The following BBX variants were observed in gnomAD, a reference collection of about 807,000 sequenced individuals.
BBX encodes BBX high mobility group box domain containing, also known as HMG box transcription factor BBX.
Under a neutral mutation model 100.2 loss-of-function variants are expected in BBX, and 30 were observed. The observed-to-expected ratio is 0.30, with a 90% CI of 0.22 to 0.41. The LOEUF (loss-of-function observed/expected upper bound fraction) is 0.41, where lower values mean the gene tolerates loss of function less well. BBX is among the 10% of genes least tolerant of loss of function. The pLI is 1.00. For missense variants in BBX, 1,023 were observed against 1,129.8 expected, an observed-to-expected ratio of 0.91 and a Z score of 1.35; for synonymous variants, 376 against 388.1, an observed-to-expected ratio of 0.97 and a Z score of 0.37.
chr3:107,765,824 C>T (rs1478996723), intron 10 of BBX, among the ~76,000 whole-genome samples: 1 of 152,106 alleles, frequency 6.6e-6, no homozygotes, highest in East Asian at 1.9e-4. Flanking sequence ...AAGAGTGATG[C>T]GTCTTATAAA....
At chr3:107,702,155 A>G (rs1448706178) in intron 3 of BBX, among the ~76,000 whole-genome samples, 1 of 152,240 alleles carries the variant, frequency 6.6e-6, no homozygotes, top group Non-Finnish European at 1.5e-5. Flanking sequence ...GAGAAGAAAA[A>G]TGGTTGGAGA....
chr3:107,674,491 A>G (rs764073076), intron 3 of BBX, among the ~76,000 whole-genome samples: 5 of 152,190 alleles, frequency 3.3e-5, no homozygotes, highest in Non-Finnish European at 7.3e-5. Context: ...GACTCTGGAC[A>G]TTTAGCTGGA....
chr3:107,588,621 G>A (rs1265035779), intron 2 of BBX, among the ~76,000 whole-genome samples: 1 of 152,142 alleles, frequency 6.6e-6, no homozygotes, highest in Non-Finnish European at 1.5e-5. Flanking sequence ...TAACTCCTGT[G>A]TGCCTGAATT....
intron 2 of BBX, among the ~76,000 whole-genome samples, chr3:107,635,234 TTA>T (rs1291391258): frequency 6.6e-6 from 1 of 152,222 alleles, no homozygotes; most frequent in Admixed American, 6.5e-5. Flanking sequence ...CAGAAATTGA[TTA>T]TGTTTTTCTG....
chr3:107,759,792 C>G (rs1412978287), intron 10 of BBX, among the ~76,000 whole-genome samples: 1 of 152,114 alleles, frequency 6.6e-6, no homozygotes, highest in Non-Finnish European at 1.5e-5. Flanking sequence ...AACATGTTAC[C>G]TCCAAGTACA....
intron 3 of BBX, among the ~76,000 whole-genome samples, chr3:107,698,469 G>A (rs2060817087): frequency 6.6e-6 from 1 of 151,458 alleles, no homozygotes; most frequent in Admixed American, 6.6e-5. Context: ...TGGCCAATAT[G>A]GTGAAACCCC....
At chr3:107,602,695 A>G (rs1045078584) in intron 2 of BBX, among the ~76,000 whole-genome samples, 1 of 152,240 alleles carries the variant, frequency 6.6e-6, no homozygotes, top group Non-Finnish European at 1.5e-5. Flanking sequence ...AGTGGTAGAA[A>G]TAGCAGGAAA....
In BBX at chr3:107,571,421, T is replaced by C. The variant is rs145174352; in HGVS notation, c.-84+45023T>C. ...TGAGTCCGTGACTGGCGCCGGAGTT[T>C]TGGGTTTCCGGATAAAATGTGTCTC... is the stretch of plus-strand genomic sequence containing the variant. On this transcript the variant is annotated intron_variant, in intron 2 of 17. Transcript: ENST00000325805. Among the ~76,000 whole-genome samples the C allele has an allele frequency of 2.4e-3, 370 of 152,156 alleles. 2 individuals carry two copies. The highest frequency in any genetic ancestry group is 7.3e-3 in the African/African-American group (304 of 41,504).
chr3:107,620,553 G>C (rs182414940), intron 2 of BBX, among the ~76,000 whole-genome samples: 2 of 152,340 alleles, frequency 1.3e-5, no homozygotes, highest in East Asian at 3.9e-4. Context: ...GCAGCATGAA[G>C]AGGATGGCGC....
chr3:107,680,796 T>G (rs947957083), intron 3 of BBX, among the ~76,000 whole-genome samples: 6 of 152,210 alleles, frequency 3.9e-5, no homozygotes, highest in African/African-American at 1.4e-4. Flanking sequence ...AGATTTACAA[T>G]TCCATGTAAC....
intron 2 of BBX, among the ~76,000 whole-genome samples, chr3:107,596,917 G>A (rs1394682469): frequency 6.6e-6 from 1 of 152,134 alleles, no homozygotes; most frequent in African/African-American, 2.4e-5. Context: ...ACTCTGTAAT[G>A]GCACTTGAAA....
intron 2 of BBX, 69 bp downstream of exon 2, chr3:107,526,467 TTCA>T (rs2047786606): frequency 5.0e-6 from 2 of 397,806 alleles, no homozygotes; most frequent in Non-Finnish European, 8.9e-6. Context: ...GTCTTTATTG[TTCA>T]CAGAGGAAGA....
chr3:107,548,883 G>GT (rs1408305969), intron 2 of BBX, among the ~76,000 whole-genome samples: 1 of 152,150 alleles, frequency 6.6e-6, no homozygotes, highest in Non-Finnish European at 1.5e-5. Flanking sequence ...GCAAATTAAC[G>GT]TAAGAACAGA....
chr3:107,708,303 T>C (rs1191887603), intron 3 of BBX, among the ~76,000 whole-genome samples: 5 of 152,220 alleles, frequency 3.3e-5, no homozygotes, highest in Non-Finnish European at 5.9e-5. Context: ...TATTCCAGCA[T>C]GAGCTTCTTG....
chr3:107,619,671 T>C (rs1045235557), intron 2 of BBX, among the ~76,000 whole-genome samples: 3 of 151,930 alleles, frequency 2.0e-5, no homozygotes, highest in Non-Finnish European at 4.4e-5. Flanking sequence ...CATTGGAGAG[T>C]GTCTTTATTC....
intron 4 of BBX, among the ~76,000 whole-genome samples, chr3:107,712,634 C>T (rs568948256): frequency 6.6e-6 from 1 of 152,330 alleles, no homozygotes; most frequent in South Asian, 2.1e-4. Flanking sequence ...ATCCAAGCCA[C>T]CACCATTTCT....
intron 2 of BBX, among the ~76,000 whole-genome samples, chr3:107,608,165 T>C (rs557220624): frequency 6.6e-6 from 1 of 152,280 alleles, no homozygotes; most frequent in East Asian, 1.9e-4. Flanking sequence ...GTTTCTCCAA[T>C]TTTTTTCTTT....
chr3:107,715,093 A>G (rs1256632821), intron 4 of BBX, among the ~76,000 whole-genome samples: 2 of 152,096 alleles, frequency 1.3e-5, no homozygotes, highest in Non-Finnish European at 2.9e-5. Context: ...AAGACTTTTT[A>G]AAAATACCAG....
chr3:107,729,936 A>T (rs1340867402), intron 6 of BBX, among the ~76,000 whole-genome samples: 4 of 152,136 alleles, frequency 2.6e-5, no homozygotes, highest in Admixed American at 6.5e-5. Context: ...ATATTATTTT[A>T]ATCAGTCCTG....
Sources: allele counts gnomAD v4.1 joint callset (sites outside exome capture counted in the v4.1 genomes callset), GRCh38; gene constraint gnomAD v4.1.1; transcripts MANE v1.5; gene names NCBI Gene and HGNC (gene_info 2026-07-23, HGNC 2026-07-21).